The following SPTA1 variants were observed in gnomAD, a reference collection of about 807,000 sequenced individuals.
The protein encoded by SPTA1 is spectrin alpha, erythrocytic 1.
SPTA1 carries 177 observed loss-of-function variants against 324.7 expected under a neutral mutation model. The ratio of observed to expected loss-of-function variants is 0.55; its 90% CI spans 0.48 to 0.62. The LOEUF (loss-of-function observed/expected upper bound fraction) is 0.62, where lower values mean the gene tolerates loss of function less well. SPTA1 is among the 20% of genes least tolerant of loss of function. SPTA1 has a pLI of 0.00. For missense variants in SPTA1, 3,162 were observed against 2,883.6 expected, an observed-to-expected ratio of 1.10 and a Z score of -2.21; for synonymous variants, 1,195 against 1,041.3, an observed-to-expected ratio of 1.15 and a Z score of -2.84.
intron 33 of SPTA1, among the ~76,000 whole-genome samples, chr1:158,641,002 C>T (rs953048845): frequency 1.2e-4 from 18 of 152,304 alleles, no homozygotes; most frequent in African/African-American, 4.1e-4. Context: ...AGAAATAATG[C>T]TGCTTATCTA....
chr1:158,680,799 C>A (rs1654752434), intron 4 of SPTA1, 70 bp from the exon 5 acceptor site: 3 of 1,593,068 alleles, frequency 1.9e-6, no homozygotes, highest in African/African-American at 1.3e-5. Context: ...AAACTCAAAA[C>A]TCCTGCTTGC....
At chr1:158,647,139 T>C (rs1382482057) in intron 27 of SPTA1, among the ~76,000 whole-genome samples, 1 of 152,196 alleles carries the variant, frequency 6.6e-6, no homozygotes, top group African/African-American at 2.4e-5. Context: ...AATAAAATGT[T>C]ACTTTATCTA....
intron 14 of SPTA1, 139 bp downstream of exon 14, chr1:158,669,268 GC>G: frequency 1.7e-6 from 2 of 1,177,804 alleles, no homozygotes; most frequent in Non-Finnish European, 2.5e-6. Flanking sequence ...GGGATTCATT[GC>G]CCTTTTCTGA....
intron 33 of SPTA1, among the ~76,000 whole-genome samples, chr1:158,642,089 C>G (rs972036106): frequency 1.8e-4 from 27 of 151,876 alleles, no homozygotes; most frequent in African/African-American, 5.8e-4. Context: ...TGTTTTCACT[C>G]ATAGGTGGGA....
chr1:158,674,758 G>T lies in SPTA1; in HGVS notation c.1113-83C>A, dbSNP rs144570963. The stretch of plus-strand genomic sequence containing the variant: ...AACAAAGATTTAGGTTTGGGGTGAG[G>T]TAAGATGTGTGAGATGCTCCTTACT... On this transcript the variant is annotated intron_variant, in intron 8 of 51. Transcript: ENST00000643759. The T allele has an allele frequency of 1.2e-4, 187 of 1,567,704 alleles. No homozygotes were observed. In the African/African-American group the frequency reaches 2.4e-3, roughly 20 times the overall value.
At chr1:158,651,573 C>A (rs1357090833) in intron 23 of SPTA1, 105 bp from the exon 24 acceptor site, 4 of 783,006 alleles carry the variant, frequency 5.1e-6, no homozygotes, top group Non-Finnish European at 9.2e-6. Context: ...GCCCCTACAT[C>A]ACCGTAATAC....
At chr1:158,661,156 C>G in intron 18 of SPTA1, 131 bp downstream of exon 18, 2 of 1,403,244 alleles carry the variant, frequency 1.4e-6, no homozygotes, top group Non-Finnish European at 2.0e-6. Flanking sequence ...GTCAGAAATG[C>G]CAAAAGAGCA....
rs1242684254 is a variant in SPTA1, at chr1:158,666,335, G to C, written c.2201C>G (p.Ser734Trp). ...ACAAACCTGACGAGCAGCCACAGCCGACTCCAGGAGGCCGTGTTTCCTGAG... is the reference window on the plus strand; with the variant it reads ...ACAAACCTGACGAGCAGCCACAGCCCACTCCAGGAGGCCGTGTTTCCTGAG... ...NRLRKHGLLE[S>W]AVAARQDQVD... is the part of the protein sequence containing the mutation. The change falls in exon 16 of 52, where the codon TCG becomes TGG. Residue 734 changes from serine (S) to tryptophan (W), a missense_variant. By Grantham distance (177) the Ser-to-Trp change is radical (BLOSUM62 -3). Transcript: ENST00000643759. The C allele has an allele frequency of 1.2e-6, 2 of 1,613,740 alleles. No individual in the cohort carries two copies. The highest frequency in any genetic ancestry group is 1.7e-6 in the Non-Finnish European group (2 of 1,179,980).
chr1:158,676,180 A>G lies in SPTA1; in HGVS notation c.1073T>C (p.Leu358Pro). The change falls in exon 8 of 52, where the codon CTG becomes CCG. Residue 358 changes from leucine (L) to proline (P), a missense_variant. Transcript: ENST00000643759. ...CAGTTTTTCATATCTGCTGGTGGCC[A>G]GGGCACGAATATGCTCCCAGCTGGA... ...LVSSWEHIRA[L>P]ATSRYEKLQA... 3.1e-6 allele frequency: 5 copies of G among 1,613,742 alleles called. No homozygotes were observed. The highest frequency in any genetic ancestry group is 4.2e-6 in the Non-Finnish European group (5 of 1,179,766).
chr1:158,653,175 G>T, intron 22 of SPTA1, 99 bp downstream of exon 22: 2 of 1,517,554 alleles, frequency 1.3e-6, no homozygotes, highest in Non-Finnish European at 1.8e-6. Flanking sequence ...ATTTTCTGTG[G>T]CATCTCAAAT....
chr1:158,632,089 C>T (rs1650712882), intron 39 of SPTA1, among the ~76,000 whole-genome samples: 1 of 152,072 alleles, frequency 6.6e-6, no homozygotes, highest in South Asian at 2.1e-4. Flanking sequence ...GTGGTATATT[C>T]ATTCAATAAA....
chr1:158,674,752 G>T, intron 8 of SPTA1, 77 bp from the exon 9 acceptor site: 1 of 1,586,748 alleles, frequency 6.3e-7, no homozygotes. Flanking sequence ...TTAGGTTTGG[G>T]GTGAGGTAAG....
rs778695907 is a variant in SPTA1 at position 158,626,940 on chromosome 1, G to A, written c.5732C>T (p.Pro1911Leu). 1.4e-5 allele frequency: 23 copies of A among 1,613,948 alleles called. No individual in the cohort carries two copies. The highest frequency in any genetic ancestry group is 3.3e-5 in the Admixed American group (2 of 60,010). Residue 1911 changes from proline (P) to leucine (L), a missense_variant, in exon 41 of 52, where the codon CCT becomes CTT. Transcript: ENST00000643759. The stretch of plus-strand genomic sequence containing the variant: ...AGCAGCTATTGCCTTAGCCAGAGAA[G>A]GGGTCTTTTCATTCAGAGCCTCTAT... ...SKIEALNEKT[P>L]SLAKAIAAWK... is the part of the protein sequence containing the mutation.
chr1:158,623,225 GA>G, intron 42 of SPTA1, 33 bp from the exon 43 acceptor site: 1 of 1,588,050 alleles, frequency 6.3e-7, no homozygotes, highest in Non-Finnish European at 8.6e-7. Flanking sequence ...CCGTGAACAA[GA>G]AAATGGTGCA....
At chr1:158,630,662 T>C (rs1204264043) in intron 39 of SPTA1, among the ~76,000 whole-genome samples, 1 of 151,924 alleles carries the variant, frequency 6.6e-6, no homozygotes, top group African/African-American at 2.4e-5. Context: ...AGCTAAAACT[T>C]CTGCACAGCA....
At chr1:158,650,115 T>G (rs1372334605) in intron 24 of SPTA1, among the ~76,000 whole-genome samples, 168 bp from the exon 25 acceptor site, 1 of 152,228 alleles carries the variant, frequency 6.6e-6, no homozygotes, top group African/African-American at 2.4e-5. Flanking sequence ...GCCTCATTTT[T>G]GCCAGTGCAG....
Position 158,645,300 on chromosome 1 carries a change from TG to T in SPTA1, c.4081del (p.His1361MetfsTer15). The T allele has an allele frequency of 6.2e-7, 1 of 1,614,030 alleles. No individual in the cohort carries two copies. The highest frequency in any genetic ancestry group is 8.5e-7 in the Non-Finnish European group (1 of 1,179,946). On this transcript the variant is annotated frameshift_variant, in exon 29 of 52. Transcript: ENST00000643759. LOFTEE classifies it high-confidence loss of function. ...CTTTTTTTCAATTTCAGGGCTAGCATGGTGCCCACTGTCGATAAGTTCTGCA... is the reference window on the plus strand; with the variant it reads ...CTTTTTTTCAATTTCAGGGCTAGCATGTGCCCACTGTCGATAAGTTCTGCA... ...FSAELIDSGHHASPEIEKKLQ... is the reference protein window; with the variant it reads ...FSAELIDSGHXASPEIEKKLQ...
At position 158,678,480 on chromosome 1, in the gene SPTA1, C is replaced by T. The variant is rs1654560762; in HGVS notation, c.733G>A (p.Ala245Thr). ...IQSKQNEVNA[A>T]WERLRGLALQ... ...GCCAAACCACGAAGGCGCTCCCAGGCAGCATTCACCTCATTTTGCTTAGAC... is the reference window on the plus strand; with the variant it reads ...GCCAAACCACGAAGGCGCTCCCAGGTAGCATTCACCTCATTTTGCTTAGAC... The change falls in exon 6 of 52, where the codon GCC becomes ACC. Residue 245 changes from alanine (A) to threonine (T), a missense_variant. By Grantham distance (58) the Ala-to-Thr change is moderately conservative. Coordinates refer to ENST00000643759, the MANE Select transcript of SPTA1 (RefSeq NM_003126.4). The T allele has an allele frequency of 6.2e-7, 1 of 1,613,618 alleles. No homozygotes were observed. The highest frequency in any genetic ancestry group is 1.3e-5 in the African/African-American group (1 of 74,876).
rs372188127 is a variant in SPTA1 at position 158,636,042 on chromosome 1, A to C, written c.5311-8T>G. On this transcript the variant is annotated splice_polypyrimidine_tract_variant and splice_region_variant and intron_variant, in intron 37 of 51. Coordinates refer to ENST00000643759, the MANE Select transcript of SPTA1 (RefSeq NM_003126.4). ...TGCCATATCCAGCACATTCTGAAGA[A>C]CAACCCCGATACATGTTCCATTACC... 1.2e-5 allele frequency: 20 copies of C among 1,613,998 alleles called. No individual in the cohort carries two copies. In the African/African-American group the frequency reaches 2.4e-4, roughly 19 times the overall value.
Sources: gnomAD v4.1 joint callset for allele counts (sites outside exome capture counted in the v4.1 genomes callset) on GRCh38, gnomAD v4.1.1 for gene constraint, MANE v1.5 for transcripts, NCBI Gene and HGNC (gene_info 2026-07-23, HGNC 2026-07-21) for gene names.